The following STX1A variants were observed in gnomAD, a reference collection of about 807,000 sequenced individuals.
STX1A encodes the protein syntaxin 1A.
Under a neutral mutation model 37.8 loss-of-function variants are expected in STX1A, and 4 were observed. That is an observed-to-expected ratio of 0.11 (90% confidence interval 0.05 to 0.24). STX1A has a LOEUF of 0.24. Ranked by LOEUF, STX1A falls within the 10% of genes least tolerant of loss-of-function variation. STX1A has a pLI of 1.00. For missense variants in STX1A, 251 were observed against 399.9 expected (o/e 0.63, Z 3.18); for synonymous variants, 135 against 147.4 (o/e 0.92, Z 0.61).
chr7:73,700,672 G>T lies in STX1A; in HGVS notation c.789+58C>A. 2 of 1,602,092 alleles carry T rather than the reference G, an allele frequency of 1.2e-6. No homozygotes were observed. Among genetic ancestry groups the T allele is most frequent in the Non-Finnish European group, 8.5e-7 (1 of 1,172,962 alleles). ...GGTGGGATGGGGAGGGATGTGGGAT[G>T]GTTGGGGGTCCCTAATGGGTGCTGG... On this transcript the variant is annotated intron_variant, in intron 9 of 9. Transcript: ENST00000222812. This position sits in a 1 kb window ranked among gnomAD's most constrained non-coding sequence, Gnocchi z 4.4.
At chr7:73,703,642 C>T in intron 7 of STX1A, 113 bp downstream of exon 7, 2 of 1,267,416 alleles carry the variant, frequency 1.6e-6, no homozygotes, top group South Asian at 2.6e-5. Flanking sequence ...TTCCCTAAAA[C>T]CTGCCTTACA....
At chr7:73,704,302 C>A (rs1798789327) in intron 5 of STX1A, 46 bp from the exon 6 acceptor site, 10 of 1,613,596 alleles carry the variant, frequency 6.2e-6, no homozygotes, top group African/African-American at 1.3e-5. Context: ...CTGCGGGGAC[C>A]GACCCAGAGA....
Position 73,700,944 on chromosome 7 carries a change from A to G in STX1A, c.679-104T>C. On this transcript the variant is annotated intron_variant, in intron 8 of 9. Transcript: ENST00000222812. The surrounding 1 kb of genome is among the most constrained non-coding windows in gnomAD (Gnocchi z 4.4). ...AAGCACCCTGAGGCTAGAGACAAAA[A>G]GGGGGCGTGAGGAGGTTAGGGTACA... The G allele has an allele frequency of 6.5e-7, 1 of 1,550,370 alleles. No individual in the cohort carries two copies. The highest frequency in any genetic ancestry group is 8.7e-7 in the Non-Finnish European group (1 of 1,153,166).
At position 73,702,388 on chromosome 7, in the gene STX1A, TG is replaced by T; in HGVS notation, c.678+456del. 1 of 257,860 alleles carries T rather than the reference TG, an allele frequency of 3.9e-6. No individual in the cohort carries two copies. Among genetic ancestry groups the T allele is most frequent in the Non-Finnish European group, 7.3e-6 (1 of 136,482 alleles). The allele number at this position is 257,860 out of a possible 1,614,324, so 16.0% of individuals were successfully genotyped here. On this transcript the variant is annotated intron_variant, in intron 8 of 9. Coordinates refer to ENST00000222812, the MANE Select transcript of STX1A (RefSeq NM_004603.4). The surrounding 1 kb of genome is among the most constrained non-coding windows in gnomAD (Gnocchi z 4.7). ...GCTGCCAGTCTCTGGGACGGGGACC[TG>T]GAAACTTACAAGTCCTCCAGGTGAC...
intron 4 of STX1A, chr7:73,704,948 G>T: frequency 1.6e-6 from 1 of 632,670 alleles, no homozygotes; most frequent in Non-Finnish European, 2.8e-6. Context: ...AGCCTTAGGT[G>T]GGTGTGTCCC....
chr7:73,707,407 C>T (rs1554617158), intron 3 of STX1A, among the ~76,000 whole-genome samples: 1 of 152,218 alleles, frequency 6.6e-6, no homozygotes, highest in Admixed American at 6.5e-5. Context: ...GGGCTGCCAG[C>T]TCCTTCCGGA....
Position 73,704,218 on chromosome 7 carries a change from C to T in STX1A, c.396G>A (p.Ser132=), listed in dbSNP as rs782459505. 7 of 1,613,758 alleles carry T rather than the reference C, an allele frequency of 4.3e-6. No homozygotes were observed. The highest frequency in any genetic ancestry group is 2.2e-5 in the East Asian group (1 of 44,884). ...TLSRKFVEVM[S]EYNATQSDYR... is the part of the protein sequence containing the mutation. Reference sequence around the variant, plus strand: ...AGTCGGACTGCGTGGCGTTGTACTCCGACATGACCTCCACAAACTTTCTGG... The same window carrying T: ...AGTCGGACTGCGTGGCGTTGTACTCTGACATGACCTCCACAAACTTTCTGG... Residue 132 remains serine (S), a synonymous_variant, in exon 6 of 10, where the codon TCG becomes TCA. Coordinates refer to ENST00000222812, the MANE Select transcript of STX1A (RefSeq NM_004603.4).
intron 8 of STX1A, 175 bp from the exon 9 acceptor site, chr7:73,701,015 G>A (rs112742233): frequency 0.012 from 15,677 of 1,310,518 alleles, 167 homozygotes; most frequent in African/African-American, 0.037. Context: ...TAGAGGGCCA[G>A]GCAGGCTCCC....
chr7:73,708,276 A>G (rs1203601990), intron 3 of STX1A, among the ~76,000 whole-genome samples: 4 of 149,782 alleles, frequency 2.7e-5, no homozygotes, highest in South Asian at 2.1e-4. Context: ...AAAAAAAAAA[A>G]AAAAAGAAAA....
At position 73,700,060 on chromosome 7, in the gene STX1A, C is replaced by T; in HGVS notation, c.*347G>A. The T allele has an allele frequency of 2.6e-6, 1 of 388,238 alleles. No individual in the cohort carries two copies. The highest frequency in any genetic ancestry group is 2.6e-5 in the South Asian group (1 of 38,178). 24.0% of individuals were successfully genotyped at this position (388,238 alleles called of 1,614,324 possible). A position where few individuals can be genotyped will look rare whatever the true frequency, so the allele number is the denominator to read the frequency against. On this transcript the variant is annotated 3_prime_UTR_variant, in exon 10 of 10. Coordinates refer to ENST00000222812, the MANE Select transcript of STX1A (RefSeq NM_004603.4). This position sits in a 1 kb window ranked among gnomAD's most constrained non-coding sequence, Gnocchi z 4.4. ...GTCAGCTGGAGGCGAGGTTAGGGTC[C>T]CCAGGGAAGAGCAGAACCTGGGCCC...
At chr7:73,718,130 C>G (rs782602264) in intron 1 of STX1A, among the ~76,000 whole-genome samples, 1 of 152,180 alleles carries the variant, frequency 6.6e-6, no homozygotes, top group Admixed American at 6.6e-5. Context: ...TCTGACTCAA[C>G]GGAGCTCAGG....
At position 73,700,704 on chromosome 7, in the gene STX1A, G is replaced by A. The variant is rs782683364; in HGVS notation, c.789+26C>T. 1 of 1,612,932 alleles carries A rather than the reference G, an allele frequency of 6.2e-7. No homozygotes were observed. Among genetic ancestry groups the A allele is most frequent in the Non-Finnish European group, 8.5e-7 (1 of 1,179,854 alleles). ...GGTCCCTAATGGGTGCTGGGGCATG[G>A]CCTTGGGCAGGGCTGGGCTACTGAC... On this transcript the variant is annotated intron_variant, in intron 9 of 9. Transcript: ENST00000222812. This position sits in a 1 kb window ranked among gnomAD's most constrained non-coding sequence, Gnocchi z 4.4.
In STX1A at chr7:73,705,061, C is replaced by A; in HGVS notation, c.283+89G>T. On this transcript the variant is annotated intron_variant, in intron 4 of 9. Transcript: ENST00000222812. The surrounding 1 kb of genome is among the most constrained non-coding windows in gnomAD (Gnocchi z 5.2). ...AGAAAGGAAAGCAAGATCCGGCGCA[C>A]CCCCTCAGGGCGAGCAAAACCCCAT... 3.1e-6 allele frequency: 4 copies of A among 1,272,300 alleles called. No individual in the cohort carries two copies. In the South Asian group the frequency reaches 4.8e-5, roughly 15 times the overall value. The allele number at this position is 1,272,300 out of a possible 1,614,324, so 78.8% of individuals were successfully genotyped here.
rs373967201 is a variant in STX1A at position 73,704,544 on chromosome 7, G to C, written c.284-121C>G. On this transcript the variant is annotated intron_variant, in intron 4 of 9. Coordinates refer to ENST00000222812, the MANE Select transcript of STX1A (RefSeq NM_004603.4). ...AGGGTATGTGTGTGGCCTGTGGCTG[G>C]TGGGATCAGTGCCAGGCACCGATGG... 32 of 1,254,934 alleles carry C rather than the reference G, an allele frequency of 2.5e-5. No individual in the cohort carries two copies. In the East Asian group the frequency reaches 5.8e-4, roughly 23 times the overall value. The allele number at this position is 1,254,934 out of a possible 1,614,324, so 77.7% of individuals were successfully genotyped here. A position where few individuals can be genotyped will look rare whatever the true frequency, so the allele number is the denominator to read the frequency against.
In STX1A at chr7:73,699,223, G is replaced by A. The variant is rs1798557920; in HGVS notation, c.*1184C>T. 1 of 152,604 alleles carries A rather than the reference G, an allele frequency of 6.6e-6. No individual in the cohort carries two copies. Among genetic ancestry groups the A allele is most frequent in the Non-Finnish European group, 1.5e-5 (1 of 68,034 alleles). 9.5% of individuals were successfully genotyped at this position (152,604 alleles called of 1,614,324 possible). On this transcript the variant is annotated 3_prime_UTR_variant, in exon 10 of 10. Transcript: ENST00000222812. ...ACAGAGGCCTGGTACAGATACAAAT[G>A]TTTATTCTACATAAAAATTTCACAA...
Position 73,705,224 on chromosome 7 carries a change from T to C in STX1A, c.209A>G (p.Lys70Arg), listed in dbSNP as rs1554616681. 1 of 1,613,862 alleles carries C rather than the reference T, an allele frequency of 6.2e-7. No homozygotes were observed. Among genetic ancestry groups the C allele is most frequent in the South Asian group, 1.1e-5 (1 of 91,080 alleles). ...AILASPNPDE[K>R]TKEELEELMS... ...GAGTTCTTCCAGCTCCTCCTTCGTC[T>C]CTGGGGAGGTAGAAAGGGTGGGGGT... The change falls in exon 4 of 10, where the codon AAG (lysine) becomes AGG (arginine). Residue 70 changes from lysine to arginine, a missense_variant and splice_region_variant. Lys to Arg is a conservative substitution (Grantham distance 26, BLOSUM62 2). Around this residue, in one of 2 missense-constraint regions of STX1A, gnomAD observed 214 missense variants for 367.6 expected, o/e 0.58. Coordinates refer to ENST00000222812, the MANE Select transcript of STX1A (RefSeq NM_004603.4). The surrounding 1 kb of genome is among the most constrained non-coding windows in gnomAD (Gnocchi z 5.2).
At chr7:73,703,356 C>A (rs1554616212) in intron 7 of STX1A, 1 of 567,806 alleles carries the variant, frequency 1.8e-6, no homozygotes, top group Admixed American at 2.2e-5. Flanking sequence ...GACTGCTCCT[C>A]CCCTCTCTCC....
chr7:73,713,675 A>G (rs919519286), intron 1 of STX1A, among the ~76,000 whole-genome samples: 2 of 152,214 alleles, frequency 1.3e-5, no homozygotes, highest in Admixed American at 6.5e-5. Flanking sequence ...GGCTGCAGTG[A>G]GCTATGATCG....
At chr7:73,701,535 A>G (rs1387442212) in intron 8 of STX1A, among the ~76,000 whole-genome samples, 2 of 143,844 alleles carry the variant, frequency 1.4e-5, no homozygotes, top group African/African-American at 2.5e-5. Context: ...AAAGAAAAAG[A>G]AAAAAAAAAA....
Sources: gnomAD v4.1 joint callset for allele counts (sites outside exome capture counted in the v4.1 genomes callset) on GRCh38, gnomAD v4.1.1 for gene constraint, gnomAD v4.1.1 regional missense constraint, Gnocchi (gnomAD v3.1) non-coding constraint, MANE v1.5 for transcripts, NCBI Gene and HGNC (gene_info 2026-07-23, HGNC 2026-07-21) for gene names.